Variants in CELF2 observed in about 807,000 individuals in gnomAD.
CELF2 encodes the protein CUGBP Elav-like family member 2.
Under a neutral mutation model 62.6 loss-of-function variants are expected in CELF2, and 8 were observed. The ratio of observed to expected loss-of-function variants is 0.13; its 90% CI spans 0.07 to 0.23. The LOEUF (loss-of-function observed/expected upper bound fraction) is 0.23. Among genes scored for constraint, CELF2 ranks in the 10% least tolerant of loss-of-function variants. The pLI is 1.00. For synonymous variants in CELF2, 258 were observed against 250.0 expected (o/e 1.03, Z -0.30); for missense variants, 333 against 671.0 (o/e 0.50, Z 5.56).
intron 2 of CELF2, among the ~76,000 whole-genome samples, chr10:10,939,646 A>G (rs2046826592): frequency 6.6e-6 from 1 of 151,900 alleles, no homozygotes; most frequent in Non-Finnish European, 1.5e-5. Context: ...AGAAAAATGA[A>G]TGATTCAAAC....
intron 1 of CELF2, among the ~76,000 whole-genome samples, chr10:10,810,422 T>C (rs918752690): frequency 1.3e-5 from 2 of 152,136 alleles, no homozygotes; most frequent in African/African-American, 4.8e-5. Flanking sequence ...ACTAAATATC[T>C]GTTTCCAATT....
chr10:10,879,303 T>C (rs559917553), intron 1 of CELF2, among the ~76,000 whole-genome samples: 5 of 152,300 alleles, frequency 3.3e-5, no homozygotes, highest in African/African-American at 9.6e-5. Context: ...CTCCTGGACA[T>C]TTCTCCAACA....
chr10:10,543,771 CA>C, the CELF2 span, among the ~76,000 whole-genome samples: 6 of 152,060 alleles, frequency 3.9e-5, no homozygotes, highest in South Asian at 4.2e-4. Flanking sequence ...ACAACAACAA[CA>C]ACAACAACAA....
At chr10:10,694,453 T>C in the CELF2 span, among the ~76,000 whole-genome samples, 2,524 of 151,870 alleles carry the variant, frequency 0.017, 37 homozygotes, top group African/African-American at 0.041. Context: ...ATTTTGGAAT[T>C]GGTGTGGCAT....
In CELF2 at chr10:11,143,054, G is replaced by A. The variant is rs369056787; in HGVS notation, c.75-22432G>A. Among the ~76,000 whole-genome samples, 566 of 147,182 alleles carry A rather than the reference G, an allele frequency of 3.8e-3. 3 individuals are homozygous for A. The highest frequency in any genetic ancestry group is 0.013 in the African/African-American group (518 of 39,530). On this transcript the variant is annotated intron_variant, in intron 1 of 12. Coordinates refer to ENST00000633077, the MANE Select transcript of CELF2 (RefSeq NM_001326342.2). Reference sequence around the variant, plus strand: ...TTCTTCTGTCCTCCCTCCACTGGGGGGACTCACTCCCCTCGTGATTCTTCT... The same window carrying A: ...TTCTTCTGTCCTCCCTCCACTGGGGAGACTCACTCCCCTCGTGATTCTTCT...
intron 1 of CELF2, among the ~76,000 whole-genome samples, chr10:10,853,190 A>G (rs963209021): frequency 1.3e-5 from 2 of 152,168 alleles, no homozygotes; most frequent in Non-Finnish European, 2.9e-5. Context: ...CATGTTGGCC[A>G]GGTTGGTACT....
chr10:10,660,310 T>C, the CELF2 span, among the ~76,000 whole-genome samples: 4 of 152,190 alleles, frequency 2.6e-5, no homozygotes, highest in Non-Finnish European at 5.9e-5. Context: ...AATAGTAAAG[T>C]GGAGGCTCAA....
rs2064674919 is a variant in CELF2 at position 10,919,467 on chromosome 10, A to C, written c.54-497A>C. 2.0e-5 allele frequency among the ~76,000 whole-genome samples: 3 copies of C among 152,226 alleles called. No homozygotes were observed. The South Asian group carries it at 6.2e-4, about 32-fold the overall frequency. On this transcript the variant is annotated intron_variant, in intron 1 of 13. Transcript: ENST00000636488. ...TAGAACTTTATAACAAAGAAATGAA[A>C]AACAGCAGTTTGCTACTAAAAGAAT...
chr10:10,580,096 GT>G, the CELF2 span, among the ~76,000 whole-genome samples: 1 of 152,034 alleles, frequency 6.6e-6, no homozygotes, highest in African/African-American at 2.4e-5. Context: ...TTTAAAGAAA[GT>G]TTTTCCCTTA....
At chr10:11,102,778 A>C (rs1564748008) in intron 1 of CELF2, among the ~76,000 whole-genome samples, 1 of 152,170 alleles carries the variant, frequency 6.6e-6, no homozygotes, top group Non-Finnish European at 1.5e-5. Flanking sequence ...GAAGTCTTAT[A>C]AAACTCAACC....
intron 1 of CELF2, among the ~76,000 whole-genome samples, chr10:11,153,606 A>G (rs145128516): frequency 9.3e-4 from 141 of 152,330 alleles, no homozygotes; most frequent in African/African-American, 3.2e-3. Flanking sequence ...AGTTTACCCT[A>G]ACACCCTTGG....
chr10:11,060,760 T>C (rs1014730650), intron 1 of CELF2, among the ~76,000 whole-genome samples: 2 of 152,234 alleles, frequency 1.3e-5, no homozygotes, highest in Non-Finnish European at 2.9e-5. Context: ...TTTCACACTT[T>C]GGTAATTTTC....
chr10:11,264,100 A>C lies in CELF2; in HGVS notation c.539-2498A>C, dbSNP rs527963172. On this transcript the variant is annotated intron_variant, in intron 5 of 12. Coordinates refer to ENST00000633077, the MANE Select transcript of CELF2 (RefSeq NM_001326342.2). Reference sequence around the variant, plus strand: ...GGTTAAAGAAGTCCTCAGATGTGTCAGATCATTTTTTTGGGTGGGGTAAGG... The same window carrying C: ...GGTTAAAGAAGTCCTCAGATGTGTCCGATCATTTTTTTGGGTGGGGTAAGG... Among the ~76,000 whole-genome samples, 7 of 152,358 alleles carry C rather than the reference A, an allele frequency of 4.6e-5. No individual in the cohort carries two copies. The South Asian group carries it at 1.0e-3, about 23-fold the overall frequency.
chr10:11,086,072 CA>C (rs1236630443), intron 1 of CELF2, among the ~76,000 whole-genome samples: 1 of 152,140 alleles, frequency 6.6e-6, no homozygotes, highest in Non-Finnish European at 1.5e-5. Flanking sequence ...AATTTGCAAT[CA>C]AAATATATTT....
At position 11,159,157 on chromosome 10, in the gene CELF2, T is replaced by G. The variant is rs1370426236; in HGVS notation, c.75-6329T>G. ...CCTCATTCCATAATTTATGTGGCAG[T>G]GACTCAAAAGGTTTAGTACACATGA... On this transcript the variant is annotated intron_variant, in intron 1 of 12. Coordinates refer to ENST00000633077, the MANE Select transcript of CELF2 (RefSeq NM_001326342.2). The surrounding 1 kb of genome is among the most constrained non-coding windows in gnomAD (Gnocchi z 5.0). 1.3e-5 allele frequency among the ~76,000 whole-genome samples: 2 copies of G among 152,254 alleles called. No homozygotes were observed. The highest frequency in any genetic ancestry group is 2.9e-5 in the Non-Finnish European group (2 of 68,050).
rs2049032753 is a variant in CELF2, at chr10:10,957,529, A to G, written c.89+37530A>G. 6.6e-6 allele frequency among the ~76,000 whole-genome samples: 1 copy of G among 152,110 alleles called. No homozygotes were observed. Among genetic ancestry groups the G allele is most frequent in the Non-Finnish European group, 1.5e-5 (1 of 68,022 alleles). On this transcript the variant is annotated intron_variant, in intron 2 of 13. Coordinates refer to the CELF2 transcript ENST00000636488. This position sits in a 1 kb window ranked among gnomAD's most constrained non-coding sequence, Gnocchi z 4.1. ...AGACCACCAGGCATTTGTTCCATCG[A>G]TTGCTTCAGTCTTTCTTTCTCCCCA... is the stretch of plus-strand genomic sequence containing the variant.
At chr10:10,549,897 A>C in the CELF2 span, among the ~76,000 whole-genome samples, 1 of 152,202 alleles carries the variant, frequency 6.6e-6, no homozygotes, top group Admixed American at 6.5e-5. Context: ...CATGCAGAAG[A>C]GTTACTGTGT....
At position 11,318,422 on chromosome 10, in the gene CELF2, C is replaced by T. The variant is rs142057424; in HGVS notation, c.1097-2767C>T. The T allele has an allele frequency of 1.3e-3, 392 of 291,646 alleles. No individual in the cohort carries two copies. Among genetic ancestry groups the T allele is most frequent in the African/African-American group, 7.1e-3 (320 of 44,952 alleles). 18.1% of individuals were successfully genotyped at this position (291,646 alleles called of 1,614,324 possible). On this transcript the variant is annotated intron_variant, in intron 10 of 12. Transcript: ENST00000633077. The surrounding 1 kb of genome is among the most constrained non-coding windows in gnomAD (Gnocchi z 5.4). ...CATCTGCATCCCTTGCTCATGGTAC[C>T]GCCTCTGCCACCTCCCCAGGGAAAC...
intron 2 of CELF2, among the ~76,000 whole-genome samples, chr10:10,973,951 A>T (rs915947516): frequency 1.3e-5 from 2 of 152,112 alleles, no homozygotes; most frequent in East Asian, 3.9e-4. Flanking sequence ...CATTTTTGGT[A>T]CCTTTCCCCC....
Sources: gnomAD v4.1 joint callset for allele counts (sites outside exome capture counted in the v4.1 genomes callset) on GRCh38, gnomAD v4.1.1 for gene constraint, Gnocchi (gnomAD v3.1) non-coding constraint, MANE v1.5 for transcripts, NCBI Gene and HGNC (gene_info 2026-07-23, HGNC 2026-07-21) for gene names.